The following KHDRBS3 variants were observed in gnomAD, a reference collection of about 807,000 sequenced individuals.
The protein encoded by KHDRBS3 is KH domain-containing, RNA-binding, signal transduction-associated protein 3.
Under a neutral mutation model 45.6 loss-of-function variants are expected in KHDRBS3, and 23 were observed. That is an observed-to-expected ratio of 0.50 (90% CI 0.36 to 0.72). The LOEUF (loss-of-function observed/expected upper bound fraction) is 0.72, where lower values mean the gene tolerates loss of function less well. KHDRBS3 is among the 30% of genes least tolerant of loss of function. The probability of loss-of-function intolerance (pLI) is 0.00; values close to 1 mark genes in which losing one functional copy is unlikely to be tolerated. For missense variants in KHDRBS3, 352 were observed against 424.8 expected, an observed-to-expected ratio of 0.83 and a Z score of 1.51; for synonymous variants, 162 against 156.5, an observed-to-expected ratio of 1.04 and a Z score of -0.26.
intron 7 of KHDRBS3, among the ~76,000 whole-genome samples, chr8:135,640,242 C>A (rs1831006092): frequency 6.6e-6 from 1 of 152,042 alleles, no homozygotes; most frequent in Admixed American, 6.5e-5. Flanking sequence ...GACATAAATA[C>A]AAGCAAAAGG....
chr8:135,547,553 C>T (rs1826372405), intron 3 of KHDRBS3, among the ~76,000 whole-genome samples: 1 of 152,186 alleles, frequency 6.6e-6, no homozygotes, highest in Non-Finnish European at 1.5e-5. Context: ...ATTTCCCGCT[C>T]TGTGTATTAG....
chr8:135,476,571 T>C (rs1822299166), intron 1 of KHDRBS3, among the ~76,000 whole-genome samples: 1 of 152,196 alleles, frequency 6.6e-6, no homozygotes, highest in Non-Finnish European at 1.5e-5. Context: ...TGCACTTGCT[T>C]TTCCCTCTGC....
At chr8:135,570,065 T>A (rs1360322569) in intron 5 of KHDRBS3, among the ~76,000 whole-genome samples, 2 of 152,210 alleles carry the variant, frequency 1.3e-5, no homozygotes, top group African/African-American at 4.8e-5. Context: ...TATCTGTTGA[T>A]TATGAATTTA....
Position 135,557,585 on chromosome 8 carries a change from CAGGTAGGTGTAAATT to C in KHDRBS3, c.610_611+13del. On this transcript the variant is annotated splice_donor_variant and splice_donor_5th_base_variant and coding_sequence_variant and intron_variant, in exon 5 of 9. Coordinates refer to ENST00000355849, the MANE Select transcript of KHDRBS3 (RefSeq NM_006558.3). LOFTEE classifies it high-confidence loss of function. ...GAGGTGTACCAGCCCCAGCAATAAC[CAGGTAGGTGTAAATT>C]TTTTTTTAGGTTAACATACCGTGGC... 6.2e-7 allele frequency: 1 copy of C among 1,609,088 alleles called. No individual in the cohort carries two copies. The highest frequency in any genetic ancestry group is 8.5e-7 in the Non-Finnish European group (1 of 1,177,766).
chr8:135,560,362 T>C (rs1275381347), intron 5 of KHDRBS3, among the ~76,000 whole-genome samples: 2 of 152,140 alleles, frequency 1.3e-5, no homozygotes, highest in African/African-American at 4.8e-5. Context: ...TATATATATG[T>C]GTATGTAATA....
chr8:135,470,572 C>T (rs1821964830), intron 1 of KHDRBS3, among the ~76,000 whole-genome samples: 1 of 148,230 alleles, frequency 6.7e-6, no homozygotes, highest in Non-Finnish European at 1.5e-5. Context: ...CAGGGTTTTG[C>T]TGCTTTTTTT....
intron 7 of KHDRBS3, 124 bp downstream of exon 7, chr8:135,607,161 G>A: frequency 1.6e-6 from 1 of 640,874 alleles, no homozygotes; most frequent in Non-Finnish European, 2.7e-6. Flanking sequence ...TTTTGTATTT[G>A]TTTAAATGGA....
chr8:135,616,926 A>T (rs1482113085), intron 7 of KHDRBS3, among the ~76,000 whole-genome samples: 2 of 152,118 alleles, frequency 1.3e-5, no homozygotes, highest in Non-Finnish European at 2.9e-5. Flanking sequence ...GAAGAGAATA[A>T]TAACTTTTGT....
intron 1 of KHDRBS3, among the ~76,000 whole-genome samples, chr8:135,488,452 C>T (rs955931292): frequency 3.3e-5 from 5 of 152,068 alleles, no homozygotes; most frequent in African/African-American, 7.2e-5. Context: ...AAAAAGTTTG[C>T]AGACCGACTT....
chr8:135,473,564 C>T (rs1352796778), intron 1 of KHDRBS3, among the ~76,000 whole-genome samples: 1 of 152,084 alleles, frequency 6.6e-6, no homozygotes, highest in African/African-American at 2.4e-5. Flanking sequence ...TGGCCACAAC[C>T]TTTGATGTAT....
chr8:135,485,890 A>C (rs911673147), intron 1 of KHDRBS3, among the ~76,000 whole-genome samples: 4 of 141,342 alleles, frequency 2.8e-5, no homozygotes, highest in Admixed American at 7.0e-5. Flanking sequence ...TAGAGCCTCA[A>C]AATATAATGT....
intron 6 of KHDRBS3, among the ~76,000 whole-genome samples, chr8:135,588,278 A>G (rs544593502): frequency 2.6e-4 from 39 of 152,320 alleles, no homozygotes; most frequent in African/African-American, 9.4e-4. Flanking sequence ...TTATGAAAGG[A>G]TACAGGTCAG....
At chr8:135,485,494 G>A (rs1822809517) in intron 1 of KHDRBS3, among the ~76,000 whole-genome samples, 1 of 152,092 alleles carries the variant, frequency 6.6e-6, no homozygotes, top group Non-Finnish European at 1.5e-5. Flanking sequence ...CACACATGTT[G>A]TCACATCAGA....
At chr8:135,488,424 A>G (rs181895476) in intron 1 of KHDRBS3, among the ~76,000 whole-genome samples, 73 of 152,312 alleles carry the variant, frequency 4.8e-4, no homozygotes, top group African/African-American at 1.6e-3. Flanking sequence ...GTGAATAGAT[A>G]CTGCAGCCTG....
intron 2 of KHDRBS3, among the ~76,000 whole-genome samples, chr8:135,524,597 C>G (rs994670136): frequency 1.3e-5 from 2 of 151,730 alleles, no homozygotes; most frequent in Admixed American, 6.6e-5. Flanking sequence ...TCAGTTACTA[C>G]TTCAATTCTT....
At chr8:135,562,532 C>G (rs1297269292) in intron 5 of KHDRBS3, among the ~76,000 whole-genome samples, 1 of 146,084 alleles carries the variant, frequency 6.8e-6, no homozygotes, top group African/African-American at 2.5e-5. Context: ...TATTTATTTA[C>G]TCCTTTTTTT....
chr8:135,512,716 A>G (rs1824366103), intron 1 of KHDRBS3, among the ~76,000 whole-genome samples: 1 of 152,248 alleles, frequency 6.6e-6, no homozygotes, highest in Admixed American at 6.5e-5. Flanking sequence ...CACTATGCTA[A>G]GTGTTAGAAT....
At chr8:135,629,275 A>T (rs186957977) in intron 7 of KHDRBS3, among the ~76,000 whole-genome samples, 2 of 152,360 alleles carry the variant, frequency 1.3e-5, no homozygotes, top group East Asian at 1.9e-4. Flanking sequence ...AATAGTCACC[A>T]TTTATTTTGT....
intron 2 of KHDRBS3, chr8:135,542,084 A>G (rs1359817415): frequency 2.0e-5 from 3 of 152,242 alleles, no homozygotes; most frequent in Admixed American, 1.3e-4. Flanking sequence ...AACCACAGAC[A>G]TCTAAGTTTA....
Sources: gnomAD v4.1 joint callset for allele counts (sites outside exome capture counted in the v4.1 genomes callset) on GRCh38, gnomAD v4.1.1 for gene constraint, MANE v1.5 for transcripts, NCBI Gene and HGNC (gene_info 2026-07-23, HGNC 2026-07-21) for gene names.